Variants in GFRA1 observed in about 807,000 individuals in gnomAD.
GFRA1 encodes the protein GDNF family receptor alpha-1.
In GFRA1, 16 loss-of-function variants were observed where a neutral mutation model predicts 51.6. That is an observed-to-expected ratio of 0.31 (90% CI 0.21 to 0.47). The LOEUF is 0.47. GFRA1 is among the 20% of genes least tolerant of loss of function. The pLI is 1.00. For missense variants in GFRA1, 530 were observed against 594.3 expected, an observed-to-expected ratio of 0.89 and a Z score of 1.13; for synonymous variants, 270 against 241.3, an observed-to-expected ratio of 1.12 and a Z score of -1.10.
chr10:116,205,185 T>G (rs375158674), intron 5 of GFRA1, among the ~76,000 whole-genome samples: 1 of 152,248 alleles, frequency 6.6e-6, no homozygotes, highest in Admixed American at 6.5e-5. Flanking sequence ...CTTATAAAGT[T>G]TGGGGGCAGA....
At chr10:116,176,301 T>G (rs996800453) in intron 5 of GFRA1, among the ~76,000 whole-genome samples, 26 of 152,324 alleles carry the variant, frequency 1.7e-4, no homozygotes, top group African/African-American at 5.8e-4. Context: ...CATTCCTCTC[T>G]TCCATCTTTC....
intron 6 of GFRA1, among the ~76,000 whole-genome samples, chr10:116,109,541 G>C (rs999280506): frequency 6.6e-6 from 1 of 152,218 alleles, no homozygotes; most frequent in Non-Finnish European, 1.5e-5. Flanking sequence ...CTGGGCCTAG[G>C]CCTTGCCTCT....
chr10:116,126,814 G>C (rs1453912849), intron 5 of GFRA1, among the ~76,000 whole-genome samples: 1 of 152,216 alleles, frequency 6.6e-6, no homozygotes, highest in South Asian at 2.1e-4. Flanking sequence ...GGCTAAAGAA[G>C]TGACAAGAGA....
At chr10:116,175,784 T>G (rs1961525181) in intron 5 of GFRA1, among the ~76,000 whole-genome samples, 1 of 152,222 alleles carries the variant, frequency 6.6e-6, no homozygotes, top group Admixed American at 6.5e-5. Flanking sequence ...GCTTTTCAAA[T>G]TCAGGAGGAA....
intron 4 of GFRA1, among the ~76,000 whole-genome samples, chr10:116,232,429 C>A (rs1413257471): frequency 1.6e-4 from 24 of 151,626 alleles, no homozygotes; most frequent in Admixed American, 1.6e-3. Context: ...ATTGTGTTTA[C>A]ATTTTTATAC....
rs769858576 is a variant in GFRA1 at position 116,271,080 on chromosome 10, G to A, written c.76C>T (p.Arg26Cys). 2.5e-6 allele frequency: 4 copies of A among 1,610,516 alleles called. No homozygotes were observed. The highest frequency in any genetic ancestry group is 3.4e-6 in the Non-Finnish European group (4 of 1,177,076). Residue 26 changes from arginine (R) to cysteine (C), a missense_variant, in exon 3 of 11, where the codon CGC becomes TGC. By Grantham distance (180) the Arg-to-Cys change is radical. Coordinates refer to ENST00000355422, the MANE Select transcript of GFRA1 (RefSeq NM_005264.8). The stretch of plus-strand genomic sequence containing the variant: ...TCACTGGCTTTCACGCAATCCAGGC[G>A]GTCTCCGCCGCTCACTTCGGCCGAC... ...LLSAEVSGGD[R>C]LDCVKASDQC...
chr10:116,257,043 T>C (rs1968919506), intron 4 of GFRA1, among the ~76,000 whole-genome samples: 1 of 149,806 alleles, frequency 6.7e-6, no homozygotes, highest in Admixed American at 6.7e-5. Flanking sequence ...GAAAAGCAGA[T>C]GGGAGCCATC....
At chr10:116,261,233 C>A (rs1268343552) in intron 4 of GFRA1, among the ~76,000 whole-genome samples, 2 of 152,170 alleles carry the variant, frequency 1.3e-5, no homozygotes, top group Admixed American at 6.5e-5. Flanking sequence ...CATTTACAAG[C>A]AAACACCTAA....
At chr10:116,240,488 T>G (rs2134628336) in intron 4 of GFRA1, among the ~76,000 whole-genome samples, 1 of 152,330 alleles carries the variant, frequency 6.6e-6, no homozygotes, top group African/African-American at 2.4e-5. Context: ...GGATTTCTTT[T>G]GAAGGGTGTG....
intron 5 of GFRA1, among the ~76,000 whole-genome samples, chr10:116,205,247 G>T (rs1964638852): frequency 6.6e-6 from 1 of 151,964 alleles, no homozygotes; most frequent in African/African-American, 2.4e-5. Flanking sequence ...GGAATACAGG[G>T]GCACACAAAT....
At chr10:116,266,731 T>C (rs11599593) in intron 4 of GFRA1, among the ~76,000 whole-genome samples, 52,059 of 152,074 alleles carry the variant, frequency 0.34, 9,508 homozygotes, top group Non-Finnish European at 0.42. Flanking sequence ...AAGTGAAACT[T>C]GGCCCATGCA....
chr10:116,118,888 G>A (rs570497086), intron 6 of GFRA1, among the ~76,000 whole-genome samples: 11 of 152,200 alleles, frequency 7.2e-5, no homozygotes, highest in Non-Finnish European at 1.6e-4. Context: ...GAGGGGACCA[G>A]CTGGAGAGAG....
At chr10:116,211,729 G>A (rs1231658293) in intron 4 of GFRA1, 84 bp from the exon 5 acceptor site, 3 of 1,121,584 alleles carry the variant, frequency 2.7e-6, no homozygotes, top group African/African-American at 3.1e-5. Flanking sequence ...GAAAAGGACA[G>A]TATGATGATG....
At chr10:116,200,678 G>T (rs1187481360) in intron 5 of GFRA1, among the ~76,000 whole-genome samples, 1 of 152,198 alleles carries the variant, frequency 6.6e-6, no homozygotes, top group African/African-American at 2.4e-5. Flanking sequence ...TTCTTCCTGT[G>T]TCCTCACATG....
At chr10:116,120,836 GC>G (rs1488834766) in intron 6 of GFRA1, among the ~76,000 whole-genome samples, 1 of 151,310 alleles carries the variant, frequency 6.6e-6, no homozygotes, top group Non-Finnish European at 1.5e-5. Context: ...CGTGCTGAAT[GC>G]CCCAGAAGGG....
intron 9 of GFRA1, among the ~76,000 whole-genome samples, chr10:116,080,777 G>A (rs1013954118): frequency 9.8e-5 from 15 of 152,290 alleles, no homozygotes; most frequent in African/African-American, 2.2e-4. Flanking sequence ...TGGGACTTGA[G>A]CCACAGTAGG....
At chr10:116,108,131 G>A (rs879074160) in intron 6 of GFRA1, among the ~76,000 whole-genome samples, 1 of 152,140 alleles carries the variant, frequency 6.6e-6, no homozygotes, top group Admixed American at 6.5e-5. Context: ...GCTTTAAACA[G>A]AAACACATGA....
chr10:116,229,882 C>A (rs1048478419), intron 4 of GFRA1, among the ~76,000 whole-genome samples: 2 of 152,192 alleles, frequency 1.3e-5, no homozygotes, highest in African/African-American at 4.8e-5. Flanking sequence ...TTGGTACAGG[C>A]AGTCGTGTTG....
At chr10:116,091,639 G>A (rs1228617032) in intron 8 of GFRA1, among the ~76,000 whole-genome samples, 4 of 152,218 alleles carry the variant, frequency 2.6e-5, no homozygotes, top group African/African-American at 7.2e-5. Context: ...ATTGGCTAGA[G>A]TTGTGTTCAT....
Sources: allele counts gnomAD v4.1 joint callset (sites outside exome capture counted in the v4.1 genomes callset), GRCh38; gene constraint gnomAD v4.1.1; transcripts MANE v1.5; gene names NCBI Gene and HGNC (gene_info 2026-07-23, HGNC 2026-07-21).